VMP1: variants seen among roughly 807,000 people sequenced by gnomAD.
The protein encoded by VMP1 is ectopic P-granules autophagy protein 3 homolog.
A neutral mutation model predicts 56.0 loss-of-function variants in VMP1; 11 were observed. The observed-to-expected ratio is 0.20, with a 90% CI of 0.12 to 0.32. The LOEUF (loss-of-function observed/expected upper bound fraction) is 0.32. Ranked by LOEUF, VMP1 falls within the 10% of genes least tolerant of loss-of-function variation. The pLI is 1.00. For synonymous variants in VMP1, 149 were observed against 165.0 expected (o/e 0.90, Z 0.74); for missense variants, 296 against 490.3 (o/e 0.60, Z 3.74).
chr17:59,777,661 C>G (rs1002262954), intron 7 of VMP1, among the ~76,000 whole-genome samples: 2 of 151,836 alleles, frequency 1.3e-5, no homozygotes, highest in African/African-American at 4.8e-5. Context: ...AAAATATAAA[C>G]AAATTAGCTG....
At chr17:59,709,957 G>A (rs2033842350) in intron 1 of VMP1, among the ~76,000 whole-genome samples, 1 of 152,122 alleles carries the variant, frequency 6.6e-6, no homozygotes, top group South Asian at 2.1e-4. Context: ...CAGCACTTTG[G>A]GAGGCCGAGT....
At chr17:59,823,400 G>A (rs1351130699) in intron 10 of VMP1, among the ~76,000 whole-genome samples, 2 of 147,578 alleles carry the variant, frequency 1.4e-5, no homozygotes, top group African/African-American at 5.0e-5. Flanking sequence ...GCAGTGAGCC[G>A]AGATCACACC....
At chr17:59,714,733 G>A (rs904399967) in intron 1 of VMP1, among the ~76,000 whole-genome samples, 7 of 152,024 alleles carry the variant, frequency 4.6e-5, no homozygotes, top group Non-Finnish European at 7.4e-5. Context: ...GCAGTGGCAC[G>A]ATCACAGCTC....
At chr17:59,740,880 G>A (rs1366636604) in intron 5 of VMP1, among the ~76,000 whole-genome samples, 1 of 152,158 alleles carries the variant, frequency 6.6e-6, no homozygotes, top group East Asian at 1.9e-4. Context: ...CCTCTGAAAA[G>A]CAACCCAGAT....
At chr17:59,715,945 C>T (rs561670691) in intron 1 of VMP1, among the ~76,000 whole-genome samples, 1 of 151,880 alleles carries the variant, frequency 6.6e-6, no homozygotes, top group Non-Finnish European at 1.5e-5. Flanking sequence ...TTATTTAGGA[C>T]TGTGTGCATT....
chr17:59,753,667 CCCA>C lies in VMP1; in HGVS notation c.415-11303_415-11301del, dbSNP rs551706610. The stretch of plus-strand genomic sequence containing the variant: ...TTCCTGGCAAAAGACTTCACAAAGC[CCCA>C]TATCCCTTTCAGTTAAGCCCAGCTT... On this transcript the variant is annotated intron_variant, in intron 5 of 11. Transcript: ENST00000262291. 7.2e-3 allele frequency among the ~76,000 whole-genome samples: 1,096 copies of C among 152,214 alleles called. 11 individuals are homozygous for C. The highest frequency in any genetic ancestry group is 0.025 in the African/African-American group (1,041 of 41,542).
chr17:59,835,498 T>G (rs1368828937), intron 10 of VMP1, among the ~76,000 whole-genome samples: 2 of 150,998 alleles, frequency 1.3e-5, no homozygotes, highest in East Asian at 1.9e-4. Flanking sequence ...TTTTTGTTTT[T>G]TTTTTTTTTG....
intron 5 of VMP1, among the ~76,000 whole-genome samples, chr17:59,760,549 A>C (rs933143488): frequency 1.9e-4 from 29 of 152,168 alleles, no homozygotes; most frequent in African/African-American, 6.7e-4. Flanking sequence ...TCCTCTTGTC[A>C]TTGAATTATA....
intron 7 of VMP1, among the ~76,000 whole-genome samples, chr17:59,777,212 T>G (rs915978455): frequency 6.6e-6 from 1 of 152,192 alleles, no homozygotes; most frequent in Non-Finnish European, 1.5e-5. Context: ...ATTTACACCT[T>G]CGTTTTGCTT....
intron 5 of VMP1, among the ~76,000 whole-genome samples, chr17:59,747,413 C>CTTT (rs201448260): frequency 7.1e-4 from 98 of 137,174 alleles, no homozygotes; most frequent in African/African-American, 2.5e-3. Flanking sequence ...TTCTTTCTTT[C>CTTT]TTTTTTTTTT....
In VMP1 at chr17:59,790,038, A is replaced by G. The variant is rs530491909; in HGVS notation, c.714+16153A>G. ...GTATTTCTAGTAGAGACAGGGCTTC[A>G]CCATATTGGCCAGGCTGGTCCGGAA... On this transcript the variant is annotated intron_variant, in intron 7 of 11. Transcript: ENST00000262291. Among the ~76,000 whole-genome samples the G allele has an allele frequency of 1.3e-4, 19 of 151,810 alleles. No homozygotes were observed. The South Asian group carries it at 1.9e-3, about 15-fold the overall frequency.
At position 59,841,557 on chromosome 17, in the gene VMP1, T is replaced by G. The variant is rs548516610; in HGVS notation, c.*1646T>G. On this transcript the variant is annotated 3_prime_UTR_variant, in exon 12 of 12. Coordinates refer to ENST00000262291, the MANE Select transcript of VMP1 (RefSeq NM_030938.5). ...GAAAACTAAGCTGCATTGTGGGTTT[T>G]GAAAAGGTTATTATACTTCTTAACA... The G allele has an allele frequency of 5.0e-6, 1 of 201,738 alleles. No individual in the cohort carries two copies. The highest frequency in any genetic ancestry group is 1.1e-4 in the East Asian group (1 of 9,050). 12.5% of individuals were successfully genotyped at this position (201,738 alleles called of 1,614,324 possible). A position where few individuals can be genotyped will look rare whatever the true frequency, so the allele number is the denominator to read the frequency against.
intron 5 of VMP1, among the ~76,000 whole-genome samples, chr17:59,761,507 T>A (rs1400531760): frequency 6.6e-6 from 1 of 152,222 alleles, no homozygotes; most frequent in Non-Finnish European, 1.5e-5. Flanking sequence ...TTGATCTTTT[T>A]AAGACTTGTT....
intron 7 of VMP1, among the ~76,000 whole-genome samples, chr17:59,797,331 ACT>A (rs2037474903): frequency 6.9e-6 from 1 of 145,610 alleles, no homozygotes; most frequent in Non-Finnish European, 1.5e-5. Flanking sequence ...ACATAGCAAG[ACT>A]CTGTCTCAAA....
At chr17:59,728,128 T>A (rs901916547) in intron 1 of VMP1, among the ~76,000 whole-genome samples, 1 of 152,246 alleles carries the variant, frequency 6.6e-6, no homozygotes, top group African/African-American at 2.4e-5. Flanking sequence ...CAGTGATGAA[T>A]GTGTGCTTTT....
At position 59,757,509 on chromosome 17, in the gene VMP1, T is replaced by C. The variant is rs1208892265; in HGVS notation, c.415-7462T>C. Among the ~76,000 whole-genome samples the C allele has an allele frequency of 2.6e-5, 4 of 152,182 alleles. No individual in the cohort carries two copies. The East Asian group carries it at 5.8e-4, about 22-fold the overall frequency. On this transcript the variant is annotated intron_variant, in intron 5 of 11. Coordinates refer to ENST00000262291, the MANE Select transcript of VMP1 (RefSeq NM_030938.5). ...ATGGAAATGTAACTTTTTAAACTTATGTAAAAAGAGTTTTTAAAAGATAAA... is the reference window on the plus strand; with the variant it reads ...ATGGAAATGTAACTTTTTAAACTTACGTAAAAAGAGTTTTTAAAAGATAAA...
intron 5 of VMP1, among the ~76,000 whole-genome samples, chr17:59,757,859 CTTTTTTTT>C (rs66605258): frequency 4.4e-5 from 4 of 91,296 alleles, no homozygotes; most frequent in East Asian, 3.5e-4. Context: ...TTATTTGCCA[CTTTTTTTT>C]TTTTTTTTTT....
chr17:59,737,462 T>C lies in VMP1; in HGVS notation c.222T>C (p.His74=). 1.2e-6 allele frequency: 2 copies of C among 1,609,308 alleles called. No homozygotes were observed. Among genetic ancestry groups the C allele is most frequent in the Non-Finnish European group, 1.7e-6 (2 of 1,178,526 alleles). ...ILKEWTSKLW[H]RQSIVVSFLL... ...TTTATTTGTTTTTAAGATTATGGCA[T>C]CGTCAAAGCATTGTGGTGTCTTTTT... Residue 74 remains histidine (H), a synonymous_variant, in exon 4 of 12, where the codon CAT becomes CAC. Coordinates refer to ENST00000262291, the MANE Select transcript of VMP1 (RefSeq NM_030938.5).
intron 7 of VMP1, among the ~76,000 whole-genome samples, chr17:59,806,313 A>G (rs577354768): frequency 2.6e-5 from 4 of 152,354 alleles, no homozygotes; most frequent in African/African-American, 7.2e-5. Context: ...TTTTAAATCA[A>G]TAAAACTCAG....
Sources: allele counts gnomAD v4.1 joint callset (sites outside exome capture counted in the v4.1 genomes callset), GRCh38; gene constraint gnomAD v4.1.1; transcripts MANE v1.5; gene names NCBI Gene and HGNC (gene_info 2026-07-23, HGNC 2026-07-21).